The following PLXDC2 variants were observed in gnomAD, a reference collection of about 807,000 sequenced individuals.
PLXDC2 encodes the protein plexin domain-containing protein 2.
A neutral mutation model predicts 68.9 loss-of-function variants in PLXDC2; 40 were observed. The observed-to-expected ratio is 0.58, with a 90% CI of 0.45 to 0.76. PLXDC2 has a LOEUF of 0.76. Ranked by LOEUF, PLXDC2 falls within the 30% of genes least tolerant of loss-of-function variation. The pLI, the probability that PLXDC2 is intolerant of heterozygous loss-of-function variation, is 0.00. For missense variants in PLXDC2, 644 were observed against 661.9 expected (o/e 0.97, Z 0.30); for synonymous variants, 243 against 234.2 (o/e 1.04, Z -0.34).
chr10:20,142,380 T>G (rs1834018131), intron 4 of PLXDC2, among the ~76,000 whole-genome samples: 1 of 152,116 alleles, frequency 6.6e-6, no homozygotes, highest in Non-Finnish European at 1.5e-5. Flanking sequence ...TGTGTATTTC[T>G]TAGATTAATA....
chr10:19,902,588 T>C (rs1019649667), intron 1 of PLXDC2, among the ~76,000 whole-genome samples: 1 of 152,070 alleles, frequency 6.6e-6, no homozygotes, highest in African/African-American at 2.4e-5. Context: ...TGGAAGAGCT[T>C]TTAGGGTTTT....
intron 2 of PLXDC2, among the ~76,000 whole-genome samples, chr10:20,013,156 C>G (rs970529714): frequency 6.6e-6 from 1 of 152,074 alleles, no homozygotes; most frequent in Non-Finnish European, 1.5e-5. Flanking sequence ...AGATTTGTCC[C>G]TATCAATCTG....
In PLXDC2 at chr10:20,149,228, T is replaced by TC. The variant is rs1429875869; in HGVS notation, c.783+1327dup. ...TATTTTTCTTTCTTTTTTTTTCTTT[T>TC]CTTTTTTTTTTTTTTTTTTTTTTTT... On this transcript the variant is annotated intron_variant, in intron 6 of 13. Coordinates refer to ENST00000377252, the MANE Select transcript of PLXDC2 (RefSeq NM_032812.9). Among the ~76,000 whole-genome samples, 196 of 117,600 alleles carry TC rather than the reference T, an allele frequency of 1.7e-3. 5 individuals carry two copies. The highest frequency in any genetic ancestry group is 5.8e-3 in the African/African-American group (189 of 32,328). The allele number at this position is 117,600 out of a possible 152,430, so 77.2% of individuals were successfully genotyped here.
chr10:19,878,374 A>G (rs1837672395), intron 1 of PLXDC2, among the ~76,000 whole-genome samples: 1 of 152,182 alleles, frequency 6.6e-6, no homozygotes, highest in Non-Finnish European at 1.5e-5. Context: ...ATAAAATAAA[A>G]TAAAAGCTTA....
intron 7 of PLXDC2, among the ~76,000 whole-genome samples, chr10:20,172,596 C>T (rs1440877885): frequency 6.6e-6 from 1 of 152,084 alleles, no homozygotes; most frequent in Non-Finnish European, 1.5e-5. Flanking sequence ...TGTCCATCAC[C>T]TTGAGTGTTT....
intron 4 of PLXDC2, among the ~76,000 whole-genome samples, chr10:20,132,292 G>T (rs908875392): frequency 6.6e-6 from 1 of 152,072 alleles, no homozygotes; most frequent in East Asian, 1.9e-4. Flanking sequence ...AATATTCCAT[G>T]TGCATTTGTA....
chr10:20,130,919 G>C (rs948459051), intron 4 of PLXDC2, among the ~76,000 whole-genome samples: 10 of 152,132 alleles, frequency 6.6e-5, no homozygotes, highest in African/African-American at 2.2e-4. Flanking sequence ...ATTCATCAGG[G>C]ATATTGACCT....
chr10:19,969,762 G>A (rs1834319635), intron 1 of PLXDC2, among the ~76,000 whole-genome samples: 1 of 152,152 alleles, frequency 6.6e-6, no homozygotes, highest in Admixed American at 6.5e-5. Flanking sequence ...TTGCTTTATG[G>A]AAGCAGTAAG....
chr10:20,273,852 C>CTAAA (rs1381129172), intron 13 of PLXDC2, among the ~76,000 whole-genome samples: 1 of 152,024 alleles, frequency 6.6e-6, no homozygotes, highest in Non-Finnish European at 1.5e-5. Flanking sequence ...CCTGTCTCTA[C>CTAAA]TAAATAAATA....
intron 1 of PLXDC2, among the ~76,000 whole-genome samples, chr10:19,944,025 T>C (rs1271244815): frequency 6.6e-6 from 1 of 152,198 alleles, no homozygotes; most frequent in Admixed American, 6.5e-5. Flanking sequence ...TACTTTCCCG[T>C]AGCGATGATG....
chr10:19,819,741 T>C (rs1836428838), intron 1 of PLXDC2, among the ~76,000 whole-genome samples: 1 of 152,256 alleles, frequency 6.6e-6, no homozygotes, highest in African/African-American at 2.4e-5. Flanking sequence ...TGTTCTTCTC[T>C]GGTTGAATAT....
At chr10:19,840,882 T>C (rs1023136399) in intron 1 of PLXDC2, among the ~76,000 whole-genome samples, 1 of 152,174 alleles carries the variant, frequency 6.6e-6, no homozygotes, top group African/African-American at 2.4e-5. Context: ...ATTCATGTCA[T>C]TTGCTATTAT....
At chr10:20,054,727 T>C (rs931875878) in intron 3 of PLXDC2, among the ~76,000 whole-genome samples, 6 of 152,066 alleles carry the variant, frequency 3.9e-5, no homozygotes, top group African/African-American at 1.4e-4. Context: ...GGGGGAGGGA[T>C]AGCATTAGGA....
chr10:20,132,928 C>A (rs1305192753), intron 4 of PLXDC2, among the ~76,000 whole-genome samples: 1 of 151,936 alleles, frequency 6.6e-6, no homozygotes, highest in Non-Finnish European at 1.5e-5. Flanking sequence ...TTGTTGCCTT[C>A]TTTTTGATTT....
intron 1 of PLXDC2, among the ~76,000 whole-genome samples, chr10:19,833,299 T>C (rs997848591): frequency 6.6e-6 from 1 of 152,188 alleles, no homozygotes; most frequent in Non-Finnish European, 1.5e-5. Flanking sequence ...TGAGAGCCTT[T>C]GATGGCCGTG....
intron 1 of PLXDC2, among the ~76,000 whole-genome samples, chr10:19,964,647 AC>A (rs1834218056): frequency 6.6e-6 from 1 of 152,054 alleles, no homozygotes; most frequent in South Asian, 2.1e-4. Context: ...TTGTCACAGC[AC>A]TTGTCCCCTT....
intron 9 of PLXDC2, among the ~76,000 whole-genome samples, chr10:20,180,097 A>G (rs1036631697): frequency 2.0e-5 from 3 of 152,072 alleles, no homozygotes; most frequent in Non-Finnish European, 2.9e-5. Context: ...CGTAAGAAGA[A>G]TGTAGAGGAA....
At chr10:20,151,164 T>C (rs987441751) in intron 6 of PLXDC2, among the ~76,000 whole-genome samples, 1 of 152,230 alleles carries the variant, frequency 6.6e-6, no homozygotes, top group Non-Finnish European at 1.5e-5. Context: ...AGGCAAATTG[T>C]TATTTGTAAA....
At chr10:20,027,910 G>A (rs1025317128) in intron 2 of PLXDC2, among the ~76,000 whole-genome samples, 1 of 152,120 alleles carries the variant, frequency 6.6e-6, no homozygotes, top group African/African-American at 2.4e-5. Context: ...AACTTTAGGA[G>A]TCACCATTTC....
Sources: allele counts gnomAD v4.1 joint callset (sites outside exome capture counted in the v4.1 genomes callset), GRCh38; gene constraint gnomAD v4.1.1; transcripts MANE v1.5; gene names NCBI Gene and HGNC (gene_info 2026-07-23, HGNC 2026-07-21).